LIMCH1: variants seen among roughly 807,000 people sequenced by gnomAD.
LIMCH1 encodes LIM and calponin homology domains 1, also known as LIM and calponin homology domains-containing protein 1.
LIMCH1 carries 113 observed loss-of-function variants against 176.5 expected under a neutral mutation model. The ratio of observed to expected loss-of-function variants is 0.64; its 90% CI spans 0.55 to 0.75. The LOEUF is 0.75. Ranked by LOEUF, LIMCH1 falls within the 30% of genes least tolerant of loss-of-function variation. LIMCH1 has a pLI of 0.00. For missense variants in LIMCH1, 1,674 were observed against 1,814.9 expected, an observed-to-expected ratio of 0.92 and a Z score of 1.41; for synonymous variants, 619 against 645.9, an observed-to-expected ratio of 0.96 and a Z score of 0.63.
chr4:41,373,136 A>G (rs370689271), intron 1 of LIMCH1, among the ~76,000 whole-genome samples: 7 of 152,320 alleles, frequency 4.6e-5, no homozygotes, highest in South Asian at 4.1e-4. Flanking sequence ...CTGGAACACA[A>G]AAAGGGCCGG....
intron 2 of LIMCH1, among the ~76,000 whole-genome samples, chr4:41,521,290 T>C (rs1460064748): frequency 6.6e-6 from 1 of 152,170 alleles, no homozygotes; most frequent in Non-Finnish European, 1.5e-5. Context: ...TGGGAAATCT[T>C]CATATCTGTT....
At chr4:41,502,999 GTCCATCCATCCA>G (rs751124176) in intron 2 of LIMCH1, among the ~76,000 whole-genome samples, 216 of 138,410 alleles carry the variant, frequency 1.6e-3, no homozygotes, top group Non-Finnish European at 2.6e-3. Flanking sequence ...TGGTCTGTCT[GTCCATCCATCCA>G]TCCATCCATC....
At chr4:41,384,239 C>T (rs940371241) in intron 1 of LIMCH1, among the ~76,000 whole-genome samples, 2 of 151,638 alleles carry the variant, frequency 1.3e-5, no homozygotes, top group Admixed American at 1.3e-4. Flanking sequence ...GAGTCTTGCT[C>T]TGTCACCCAG....
intron 1 of LIMCH1, among the ~76,000 whole-genome samples, chr4:41,588,423 G>A (rs1278101595): frequency 1.3e-5 from 2 of 152,026 alleles, no homozygotes; most frequent in South Asian, 2.1e-4. Context: ...ATGCCTGGAA[G>A]GATTAACAAG....
intron 30 of LIMCH1, among the ~76,000 whole-genome samples, chr4:41,691,648 A>G (rs368041449): frequency 6.6e-6 from 1 of 151,428 alleles, no homozygotes; most frequent in Non-Finnish European, 1.5e-5. Flanking sequence ...CTGTAATCCC[A>G]TCTACTCAGG....
intron 1 of LIMCH1, among the ~76,000 whole-genome samples, chr4:41,364,973 G>A (rs1287001215): frequency 1.3e-5 from 2 of 151,934 alleles, no homozygotes; most frequent in African/African-American, 2.4e-5. Context: ...CTGATTCCCC[G>A]CTTCTCTTGG....
intron 14 of LIMCH1, among the ~76,000 whole-genome samples, chr4:41,642,023 T>A (rs1182265971): frequency 6.6e-6 from 1 of 152,170 alleles, no homozygotes; most frequent in Admixed American, 6.5e-5. Flanking sequence ...TTGGGTGAGA[T>A]AATCAAATCC....
In LIMCH1 at chr4:41,464,375, T is replaced by C. The variant is rs372345825; in HGVS notation, c.97-30161T>C. 2.1e-3 allele frequency among the ~76,000 whole-genome samples: 315 copies of C among 150,502 alleles called. 1 individual carries two copies. Among genetic ancestry groups the C allele is most frequent in the South Asian group, 7.6e-3 (36 of 4,756 alleles). Reference sequence around the variant, plus strand: ...CTTTTTCCTTTTCTTTTTTTCTTTTTTTTTTTTTTCTGAGATGGAGTCTTG... The same window carrying C: ...CTTTTTCCTTTTCTTTTTTTCTTTTCTTTTTTTTTCTGAGATGGAGTCTTG... On this transcript the variant is annotated intron_variant, in intron 1 of 26. Coordinates refer to the LIMCH1 transcript ENST00000313860.
chr4:41,528,869 T>C (rs1344120260), intron 3 of LIMCH1, among the ~76,000 whole-genome samples: 1 of 152,236 alleles, frequency 6.6e-6, no homozygotes, highest in Non-Finnish European at 1.5e-5. Context: ...GCCCCTGAGT[T>C]AAGCTGTGGT....
chr4:41,534,971 G>C (rs1158577432), upstream of LIMCH1, among the ~76,000 whole-genome samples: 1 of 151,890 alleles, frequency 6.6e-6, no homozygotes, highest in Non-Finnish European at 1.5e-5. Context: ...GACCAGCCTA[G>C]GCAACATGGC....
chr4:41,473,106 C>T (rs1203879326), intron 1 of LIMCH1: 2 of 985,042 alleles, frequency 2.0e-6, no homozygotes, highest in African/African-American at 1.7e-5. Flanking sequence ...TTTAACTCCT[C>T]CCAGTGCCAT....
At chr4:41,450,912 A>G (rs1226801182) in intron 1 of LIMCH1, among the ~76,000 whole-genome samples, 1 of 151,938 alleles carries the variant, frequency 6.6e-6, no homozygotes, top group Non-Finnish European at 1.5e-5. Context: ...TGAGTTCTCA[A>G]TTTGATAATT....
At chr4:41,488,291 G>T (rs2070087877) in intron 1 of LIMCH1, among the ~76,000 whole-genome samples, 1 of 152,164 alleles carries the variant, frequency 6.6e-6, no homozygotes, top group Non-Finnish European at 1.5e-5. Flanking sequence ...TTTCCAAAAT[G>T]TAAATCATTC....
At chr4:41,490,146 G>A (rs1039071666) in intron 1 of LIMCH1, among the ~76,000 whole-genome samples, 1 of 152,006 alleles carries the variant, frequency 6.6e-6, no homozygotes, top group African/African-American at 2.4e-5. Flanking sequence ...TAGAAAGAGA[G>A]GCAGGAAAGG....
At chr4:41,557,811 A>T (rs958697027) in intron 1 of LIMCH1, among the ~76,000 whole-genome samples, 6 of 152,162 alleles carry the variant, frequency 3.9e-5, no homozygotes, top group Non-Finnish European at 7.4e-5. Context: ...ACTCTAGTGA[A>T]GGTGGCTACA....
At position 41,599,041 on chromosome 4, in the gene LIMCH1, A is replaced by G; in HGVS notation, c.-134+15A>G. ...GTAACAGTCAAGTAAGTAAAGCGTG[A>G]TTTATGTTTAAGGGAAACTCCTTTA... On this transcript the variant is annotated intron_variant, in intron 2 of 31. Coordinates refer to ENST00000503057, the MANE Select transcript of LIMCH1 (RefSeq NM_001330672.2). 1 of 1,499,520 alleles carries G rather than the reference A, an allele frequency of 6.7e-7. No homozygotes were observed. Among genetic ancestry groups the G allele is most frequent in the Non-Finnish European group, 9.3e-7 (1 of 1,077,126 alleles). The allele number at this position is 1,499,520 out of a possible 1,614,324, so 92.9% of individuals were successfully genotyped here.
intron 30 of LIMCH1, among the ~76,000 whole-genome samples, chr4:41,691,775 A>C (rs1287257270): frequency 6.6e-6 from 1 of 151,952 alleles, no homozygotes; most frequent in African/African-American, 2.4e-5. Context: ...AAAATAAATA[A>C]AATAAACAAA....
intron 1 of LIMCH1, among the ~76,000 whole-genome samples, chr4:41,439,365 C>A (rs555887709): frequency 6.6e-6 from 1 of 152,132 alleles, no homozygotes; most frequent in African/African-American, 2.4e-5. Context: ...GTGCATGGAT[C>A]GCTTGAGCCC....
rs980378686 is a variant in LIMCH1, at chr4:41,644,636, G to A, written c.2253+10G>A. 2 of 1,599,860 alleles carry A rather than the reference G, an allele frequency of 1.3e-6. No homozygotes were observed. Among genetic ancestry groups the A allele is most frequent in the Admixed American group, 1.7e-5 (1 of 58,552 alleles). ...CGACAAATGGCAAGATGTGAGTTGT[G>A]GCCAAGGCGCGCGGGCAGCGGGGAG... is the stretch of plus-strand genomic sequence containing the variant. On this transcript the variant is annotated intron_variant, in intron 15 of 31. Transcript: ENST00000503057.
Sources: gnomAD v4.1 joint callset for allele counts (sites outside exome capture counted in the v4.1 genomes callset) on GRCh38, gnomAD v4.1.1 for gene constraint, MANE v1.5 for transcripts, NCBI Gene and HGNC (gene_info 2026-07-23, HGNC 2026-07-21) for gene names.